Variants in AMZ1 observed in about 807,000 individuals in gnomAD.
AMZ1 encodes the protein archaemetzincin-1.
In AMZ1, 39 loss-of-function variants were observed where a neutral mutation model predicts 29.9. That is an observed-to-expected ratio of 1.30 (90% CI 1.01 to 1.70). AMZ1 has a LOEUF of 1.70. Ranked by LOEUF, AMZ1 falls within the 40% of genes most tolerant of loss-of-function variation. The pLI is 0.00. For missense variants in AMZ1, 1,041 were observed against 680.6 expected, an observed-to-expected ratio of 1.53 and a Z score of -5.89; for synonymous variants, 458 against 304.0, an observed-to-expected ratio of 1.51 and a Z score of -5.27.
chr7:2,702,985 TCTTC>T, intron 3 of AMZ1, 96 bp downstream of exon 3: 2 of 1,421,378 alleles, frequency 1.4e-6, no homozygotes, highest in Non-Finnish European at 1.9e-6. Flanking sequence ...GGGAACCTTT[TCTTC>T]CTTTTTGCTG....
chr7:2,700,834 A>T, intron 2 of AMZ1, 79 bp downstream of exon 2: 1 of 1,527,064 alleles, frequency 6.5e-7, no homozygotes, highest in Non-Finnish European at 8.9e-7. Context: ...GTCTGTGCAT[A>T]GCCCCCAGGC....
chr7:2,759,466 A>C (rs1018997448), intron 4 of AMZ1, among the ~76,000 whole-genome samples: 5 of 152,226 alleles, frequency 3.3e-5, no homozygotes, highest in Non-Finnish European at 7.3e-5. Context: ...GTGGTTAAAT[A>C]ACATGCCCAA....
At chr7:2,708,787 G>T in intron 4 of AMZ1, 71 bp downstream of exon 4, 2 of 1,602,968 alleles carry the variant, frequency 1.2e-6, no homozygotes, top group Admixed American at 1.7e-5. Flanking sequence ...GTGGCTGCAG[G>T]GCACCCTCTT....
rs76831961 is a variant in AMZ1, at chr7:2,719,644, C to T, written c.*6766C>T. ...GCTTTTCTATAATGCTTACATCTTA[C>T]ATTTTCATTCTCAAAATTAATAAAT... is the stretch of plus-strand genomic sequence containing the variant. On this transcript the variant is annotated 3_prime_UTR_variant, in exon 7 of 7. Coordinates refer to ENST00000683327, the MANE Select transcript of AMZ1 (RefSeq NM_001384743.1). Among the ~76,000 whole-genome samples, 1,946 of 152,136 alleles carry T rather than the reference C, an allele frequency of 0.013. 58 individuals are homozygous for T. Among genetic ancestry groups the T allele is most frequent in the African/African-American group, 0.044 (1,846 of 41,496 alleles).
intron 4 of AMZ1, among the ~76,000 whole-genome samples, chr7:2,732,541 G>A (rs897318473): frequency 2.6e-5 from 4 of 152,100 alleles, no homozygotes; most frequent in Non-Finnish European, 5.9e-5. Context: ...GTGAGACCCT[G>A]TCTCAAAAAA....
At chr7:2,740,754 C>A (rs1275198988) in intron 4 of AMZ1, among the ~76,000 whole-genome samples, 1 of 152,150 alleles carries the variant, frequency 6.6e-6, no homozygotes, top group Admixed American at 6.5e-5. Context: ...CTTAAAACTA[C>A]AGATTTAGGG....
chr7:2,738,539 G>C lies in AMZ1; in HGVS notation n.551-26173G>C, dbSNP rs543634861. 2.0e-4 allele frequency among the ~76,000 whole-genome samples: 30 copies of C among 152,204 alleles called. No individual in the cohort carries two copies. The South Asian group carries it at 6.0e-3, about 30-fold the overall frequency. Reference sequence around the variant, plus strand: ...CTTCCTTTTATGTAAGAAATGGCGGGAGACTAAAACCCATATTCTGCTTGC... The same window carrying C: ...CTTCCTTTTATGTAAGAAATGGCGGCAGACTAAAACCCATATTCTGCTTGC... On this transcript the variant is annotated intron_variant and non_coding_transcript_variant, in intron 4 of 4. Coordinates refer to the AMZ1 transcript ENST00000489665.
At chr7:2,708,219 G>A (rs928695678) in intron 3 of AMZ1, among the ~76,000 whole-genome samples, 86 of 152,314 alleles carry the variant, frequency 5.6e-4, no homozygotes, top group African/African-American at 2.0e-3. Flanking sequence ...CCCTTTGGCT[G>A]TGGGGACTCA....
At chr7:2,751,719 G>C (rs1408575102) in intron 4 of AMZ1, among the ~76,000 whole-genome samples, 1 of 152,210 alleles carries the variant, frequency 6.6e-6, no homozygotes, top group Non-Finnish European at 1.5e-5. Flanking sequence ...GGTATTAAGA[G>C]AATGTTCCAA....
rs1048541400 is a variant in AMZ1, at chr7:2,708,645, G to A, written c.530G>A (p.Gly177Asp). ...CCAGGGGACGCGCTGTGTGTGCTGG[G>A]CCTCACACTGTCTGACCTGTACCCC... ...NKPGDALCVL[G>D]LTLSDLYPHE... Residue 177 changes from glycine to aspartate, a missense_variant, in exon 4 of 7, where the codon GGC becomes GAC. Physicochemically the swap from Gly to Asp is moderately conservative, Grantham distance 94. Transcript: ENST00000683327. 4 of 1,613,176 alleles carry A rather than the reference G, an allele frequency of 2.5e-6. No individual in the cohort carries two copies. Among genetic ancestry groups the A allele is most frequent in the Non-Finnish European group, 3.4e-6 (4 of 1,179,996 alleles).
At chr7:2,708,838 T>C (rs1788544917) in intron 4 of AMZ1, 122 bp downstream of exon 4, 1 of 1,479,182 alleles carries the variant, frequency 6.8e-7, no homozygotes, top group African/African-American at 1.4e-5. Context: ...AGTCAACACC[T>C]GTGCATGGGA....
At chr7:2,733,755 T>C (rs906482752) in intron 4 of AMZ1, among the ~76,000 whole-genome samples, 2 of 152,162 alleles carry the variant, frequency 1.3e-5, no homozygotes, top group Non-Finnish European at 2.9e-5. Context: ...CGCTGCTGGG[T>C]TTTGGTGTGT....
chr7:2,713,039 AC>A lies in AMZ1; in HGVS notation c.*163del, dbSNP rs1788902215. 2 of 726,478 alleles carry A rather than the reference AC, an allele frequency of 2.8e-6. No homozygotes were observed. 45.0% of individuals were successfully genotyped at this position (726,478 alleles called of 1,614,324 possible). ...CACTTTGAGAGGCCAGGAGTTTGAG[AC>A]CAGACTGGGCAACATGGTGAGACTC... On this transcript the variant is annotated 3_prime_UTR_variant, in exon 7 of 7. Coordinates refer to ENST00000683327, the MANE Select transcript of AMZ1 (RefSeq NM_001384743.1).
chr7:2,721,641 G>A (rs1789424847), downstream of AMZ1, among the ~76,000 whole-genome samples: 1 of 152,072 alleles, frequency 6.6e-6, no homozygotes, highest in South Asian at 2.1e-4. Flanking sequence ...GTGTGAACCT[G>A]GGAGGTGGAG....
intron 4 of AMZ1, among the ~76,000 whole-genome samples, chr7:2,753,787 T>C (rs958767632): frequency 6.6e-6 from 1 of 152,190 alleles, no homozygotes; most frequent in African/African-American, 2.4e-5. Flanking sequence ...AATTTACTCC[T>C]GTGCCATAAG....
rs1014694789 is a variant in AMZ1, at chr7:2,718,657, T to C, written c.*5779T>C. Among the ~76,000 whole-genome samples the C allele has an allele frequency of 6.6e-6, 1 of 152,220 alleles. No individual in the cohort carries two copies. The highest frequency in any genetic ancestry group is 6.5e-5 in the Admixed American group (1 of 15,280). ...TTCAGCAGCAGAAGGCAGTGGACTC[T>C]TCACCATTTCTTCCAACACTTTCTC... On this transcript the variant is annotated 3_prime_UTR_variant, in exon 7 of 7. Transcript: ENST00000683327.
intron 4 of AMZ1, chr7:2,729,705 G>A (rs1289000940): frequency 1.3e-5 from 2 of 152,404 alleles, no homozygotes; most frequent in African/African-American, 4.8e-5. Flanking sequence ...ATATGTGACT[G>A]AGCCACAGCA....
chr7:2,762,949 C>G (rs1464552556), upstream of AMZ1: 2 of 1,374,204 alleles, frequency 1.5e-6, no homozygotes, highest in Non-Finnish European at 1.9e-6. Context: ...CCCGTGGGGC[C>G]CGTGCCAGGG....
downstream of AMZ1, among the ~76,000 whole-genome samples, chr7:2,719,784 G>A (rs1299014348): frequency 6.6e-6 from 1 of 151,528 alleles, no homozygotes; most frequent in Non-Finnish European, 1.5e-5. Context: ...AGTTTCAAGC[G>A]ATTCTCCTGC....
Sources: gnomAD v4.1 joint callset for allele counts (sites outside exome capture counted in the v4.1 genomes callset) on GRCh38, gnomAD v4.1.1 for gene constraint, MANE v1.5 for transcripts, NCBI Gene and HGNC (gene_info 2026-07-23, HGNC 2026-07-21) for gene names.